Variants in ATP11A observed in about 807,000 individuals in gnomAD.
ATP11A encodes the protein phospholipid-transporting ATPase IH.
In ATP11A, 81 loss-of-function variants were observed where a neutral mutation model predicts 154.4. That is an observed-to-expected ratio of 0.52 (90% CI 0.44 to 0.63). ATP11A has a LOEUF of 0.63. Among genes scored for constraint, ATP11A ranks in the 30% least tolerant of loss-of-function variants. The probability of loss-of-function intolerance (pLI) is 0.00; values close to 1 mark genes in which losing one functional copy is unlikely to be tolerated. For missense variants in ATP11A, 1,316 were observed against 1,474.3 expected, an observed-to-expected ratio of 0.89 and a Z score of 1.76; for synonymous variants, 623 against 585.9, an observed-to-expected ratio of 1.06 and a Z score of -0.91.
At position 112,753,599 on chromosome 13, in the gene ATP11A, C is replaced by T. The variant is rs2076748794; in HGVS notation, c.40-31536C>T. ...GTTTAAGTCCATTTGCTGTTCTTTT[C>T]TCTTTTTTGAAAAAGAACAGCTTGT... On this transcript the variant is annotated intron_variant, in intron 1 of 29. Transcript: ENST00000375645. The surrounding 1 kb of genome is among the most constrained non-coding windows in gnomAD (Gnocchi z 4.1). Among the ~76,000 whole-genome samples, 1 of 152,190 alleles carries T rather than the reference C, an allele frequency of 6.6e-6. No individual in the cohort carries two copies. The highest frequency in any genetic ancestry group is 6.5e-5 in the Admixed American group (1 of 15,284).
At chr13:112,871,696 C>A in intron 25 of ATP11A, 39 bp from the exon 26 acceptor site, 8 of 1,583,818 alleles carry the variant, frequency 5.1e-6, no homozygotes, top group Non-Finnish European at 6.9e-6. Flanking sequence ...AAAAAAAATA[C>A]ATAAAAACGA....
Position 112,838,122 on chromosome 13 carries a change from C to G in ATP11A, c.1705+1871C>G, listed in dbSNP as rs2079290880. The stretch of plus-strand genomic sequence containing the variant: ...CCAGGACTCCCACGAAGAGCTTTTG[C>G]CAGCCAGACCGTGGGATCAGCAGGA... On this transcript the variant is annotated intron_variant, in intron 16 of 29. Coordinates refer to ENST00000375645, the MANE Select transcript of ATP11A (RefSeq NM_015205.3). The surrounding 1 kb of genome is among the most constrained non-coding windows in gnomAD (Gnocchi z 7.3). Among the ~76,000 whole-genome samples the G allele has an allele frequency of 2.0e-5, 3 of 152,186 alleles. No homozygotes were observed.
At chr13:112,740,014 G>A (rs995263198) in intron 1 of ATP11A, among the ~76,000 whole-genome samples, 5 of 152,110 alleles carry the variant, frequency 3.3e-5, no homozygotes, top group African/African-American at 1.2e-4. Flanking sequence ...GCCTTCTTGG[G>A]ATGATGAAAA....
intron 1 of ATP11A, among the ~76,000 whole-genome samples, chr13:112,761,423 T>C (rs988412272): frequency 2.0e-5 from 3 of 152,240 alleles, no homozygotes; most frequent in Non-Finnish European, 4.4e-5. Flanking sequence ...TTATAATTGT[T>C]CTATTTTATT....
At chr13:112,749,169 C>T (rs771311162) in intron 1 of ATP11A, among the ~76,000 whole-genome samples, 10 of 152,186 alleles carry the variant, frequency 6.6e-5, no homozygotes, top group Non-Finnish European at 1.3e-4. Context: ...GCCATGGATG[C>T]GCCTCCATCT....
At chr13:112,790,340 A>G (rs1314128089) in intron 2 of ATP11A, among the ~76,000 whole-genome samples, 1 of 150,490 alleles carries the variant, frequency 6.6e-6, no homozygotes, top group African/African-American at 2.4e-5. Context: ...AGACCTACTT[A>G]ATTCACACCG....
intron 1 of ATP11A, among the ~76,000 whole-genome samples, chr13:112,693,528 A>T (rs780453896): frequency 6.7e-6 from 1 of 150,212 alleles, no homozygotes; most frequent in Admixed American, 6.6e-5. Flanking sequence ...TGTGGGAGCC[A>T]TGGGGTAGCG....
In ATP11A at chr13:112,885,822, G is replaced by A. The variant is rs1437188612; in HGVS notation, c.*3956G>A. On this transcript the variant is annotated 3_prime_UTR_variant, in exon 30 of 30. Transcript: ENST00000375645. ...CCTGGCCCCCAGCCCATGCCTCCCT[G>A]GGATGAAGAGTCCCCCTCCTGGCAG... 6.6e-6 allele frequency: 1 copy of A among 152,302 alleles called. No individual in the cohort carries two copies. The highest frequency in any genetic ancestry group is 2.1e-4 in the South Asian group (1 of 4,836). The allele number at this position is 152,302 out of a possible 1,614,324, so 9.4% of individuals were successfully genotyped here. A position where few individuals can be genotyped will look rare whatever the true frequency, so the allele number is the denominator to read the frequency against.
intron 7 of ATP11A, 29 bp from the exon 8 acceptor site, chr13:112,819,871 G>C: frequency 6.2e-7 from 1 of 1,613,846 alleles, no homozygotes; most frequent in Non-Finnish European, 8.5e-7. Context: ...GGGCGCGTCC[G>C]GTCAGTAACG....
rs1859638149 is a variant in ATP11A, at chr13:112,754,172, C to T, written c.40-30963C>T. 6.6e-6 allele frequency among the ~76,000 whole-genome samples: 1 copy of T among 152,318 alleles called. No homozygotes were observed. Among genetic ancestry groups the T allele is most frequent in the Middle Eastern group, 3.4e-3 (1 of 294 alleles). Reference sequence around the variant, plus strand: ...CCCTGCTGCTGAGATGTGAGAAAGGCCTGCGCTGGGGTCTGGGAAATTCGT... The same window carrying T: ...CCCTGCTGCTGAGATGTGAGAAAGGTCTGCGCTGGGGTCTGGGAAATTCGT... On this transcript the variant is annotated intron_variant, in intron 1 of 29. Transcript: ENST00000375645. The surrounding 1 kb of genome is among the most constrained non-coding windows in gnomAD (Gnocchi z 5.3).
In ATP11A at chr13:112,805,754, G is replaced by GA. The variant is rs565351861; in HGVS notation, c.253-451dup. ...ACATGAAAAGAGAGTTTAAAGGAAA[G>GA]AAAAAAAAGAGTGAAAAAATATCTC... is the stretch of plus-strand genomic sequence containing the variant. On this transcript the variant is annotated intron_variant, in intron 3 of 29. Transcript: ENST00000375645. 2.3e-3 allele frequency among the ~76,000 whole-genome samples: 350 copies of GA among 149,454 alleles called. 2 individuals are homozygous for GA. The highest frequency in any genetic ancestry group is 8.2e-3 in the African/African-American group (334 of 40,648).
Position 112,709,588 on chromosome 13 carries a change from CT to C in ATP11A, c.39+19136del, listed in dbSNP as rs202181151. On this transcript the variant is annotated intron_variant, in intron 1 of 29. Transcript: ENST00000375645. ...TCCTTTATCTTAACCTGAACATTTC[CT>C]TTCTGTCATCCCAGGTCTTCAGATA... 4.8e-3 allele frequency among the ~76,000 whole-genome samples: 737 copies of C among 152,350 alleles called. 30 individuals are homozygous for C. The highest frequency in any genetic ancestry group is 0.041 in the Admixed American group (628 of 15,300).
chr13:112,775,324 C>T (rs996823324), intron 1 of ATP11A, among the ~76,000 whole-genome samples: 1 of 152,248 alleles, frequency 6.6e-6, no homozygotes, highest in South Asian at 2.1e-4. Context: ...TCTGCCTTAG[C>T]CCCGTCCTCT....
chr13:112,813,388 G>A (rs1249142156), intron 5 of ATP11A, among the ~76,000 whole-genome samples: 2 of 152,124 alleles, frequency 1.3e-5, no homozygotes, highest in Non-Finnish European at 2.9e-5. Flanking sequence ...TTTGGGGTTG[G>A]CTGTTTTCAG....
chr13:112,827,009 C>T, intron 12 of ATP11A, 118 bp downstream of exon 12: 2 of 1,008,512 alleles, frequency 2.0e-6, no homozygotes, highest in South Asian at 2.9e-5. Flanking sequence ...TGGCGTAAGA[C>T]AGCAGCAGGG....
rs1412836327 is a variant in ATP11A at position 112,845,725 on chromosome 13, C to T, written c.1809+3346C>T. On this transcript the variant is annotated intron_variant, in intron 17 of 29. Coordinates refer to ENST00000375645, the MANE Select transcript of ATP11A (RefSeq NM_015205.3). ...CTGGCACTAGCGGTACTAACCAGTC[C>T]AGTTACCAGGCACTAGCGGTACTAA... Among the ~76,000 whole-genome samples, 3 of 124,544 alleles carry T rather than the reference C, an allele frequency of 2.4e-5. 1 individual carries two copies. The highest frequency in any genetic ancestry group is 4.9e-5 in the Non-Finnish European group (3 of 61,226). The allele number at this position is 124,544 out of a possible 152,430, so 81.7% of individuals were successfully genotyped here. A position where few individuals can be genotyped will look rare whatever the true frequency, so the allele number is the denominator to read the frequency against.
rs570053679 is a variant in ATP11A at position 112,783,806 on chromosome 13, G to A, written c.40-1329G>A. On this transcript the variant is annotated intron_variant, in intron 1 of 29. Coordinates refer to ENST00000375645, the MANE Select transcript of ATP11A (RefSeq NM_015205.3). ...GCTAAAGTATTTTTGTGGTTTTAGT[G>A]CTGACATCAAATGGCCCGCCTGAGT... 3.3e-5 allele frequency among the ~76,000 whole-genome samples: 5 copies of A among 152,338 alleles called. No homozygotes were observed. In the East Asian group the frequency reaches 7.7e-4, roughly 23 times the overall value.
At chr13:112,705,210 G>T (rs282575) in intron 1 of ATP11A, among the ~76,000 whole-genome samples, 7 of 151,482 alleles carry the variant, frequency 4.6e-5, no homozygotes, top group Non-Finnish European at 8.8e-5. Context: ...CTGTCATGGT[G>T]GCTGGAGTTT....
At position 112,728,109 on chromosome 13, in the gene ATP11A, A is replaced by C. The variant is rs1021459223; in HGVS notation, c.39+37654A>C. On this transcript the variant is annotated intron_variant, in intron 1 of 29. Coordinates refer to ENST00000375645, the MANE Select transcript of ATP11A (RefSeq NM_015205.3). ...GTCTGTGCACCTGCTCACATCTGCC[A>C]TTGTAGCAGGAAAAAGGCCACAGAG... Among the ~76,000 whole-genome samples the C allele has an allele frequency of 2.6e-5, 4 of 152,210 alleles. No individual in the cohort carries two copies. In the East Asian group the frequency reaches 7.7e-4, roughly 29 times the overall value.
Sources: allele counts gnomAD v4.1 joint callset (sites outside exome capture counted in the v4.1 genomes callset), GRCh38; gene constraint gnomAD v4.1.1; non-coding constraint Gnocchi (gnomAD v3.1); transcripts MANE v1.5; gene names NCBI Gene and HGNC (gene_info 2026-07-23, HGNC 2026-07-21).